The following IAH1 variants were observed in gnomAD, a reference collection of about 807,000 sequenced individuals.
IAH1 encodes isoamyl acetate-hydrolyzing esterase 1 homolog.
In IAH1, 24 loss-of-function variants were observed where a neutral mutation model predicts 26.7. The observed-to-expected ratio is 0.90, with a 90% CI of 0.65 to 1.26. The LOEUF is 1.26. IAH1 is among the 50% of genes most tolerant of loss of function. The pLI is 0.00. For synonymous variants in IAH1, 140 were observed against 118.5 expected (o/e 1.18, Z -1.18); for missense variants, 300 against 299.9 (o/e 1.00, Z 0.00).
chr2:9,507,989 G>A, the IAH1 span, among the ~76,000 whole-genome samples: 1 of 152,180 alleles, frequency 6.6e-6, no homozygotes, highest in Non-Finnish European at 1.5e-5. Context: ...TGGGATTACA[G>A]GTGTGAGCCA....
chr2:9,498,799 G>A (rs780278643), downstream of IAH1, among the ~76,000 whole-genome samples: 21 of 152,202 alleles, frequency 1.4e-4, no homozygotes, highest in Non-Finnish European at 3.1e-4. Flanking sequence ...ATATGATACT[G>A]CCCTGATACA....
the IAH1 span, among the ~76,000 whole-genome samples, chr2:9,506,125 G>A: frequency 3.3e-5 from 5 of 152,038 alleles, no homozygotes; most frequent in East Asian, 5.8e-4. Flanking sequence ...AGGGAAAACT[G>A]AGCATAGTTA....
At chr2:9,498,931 T>C (rs1662813478), downstream of IAH1, among the ~76,000 whole-genome samples, 1 of 152,110 alleles carries the variant, frequency 6.6e-6, no homozygotes, top group Non-Finnish European at 1.5e-5. Flanking sequence ...GTCCCCAAAG[T>C]TTAGCATGCA....
At chr2:9,481,195 T>C in intron 3 of IAH1, 91 bp from the exon 4 acceptor site, 2 of 1,372,106 alleles carry the variant, frequency 1.5e-6, no homozygotes, top group Non-Finnish European at 1.0e-6. Context: ...AGTGACATCA[T>C]GAATAACAGG....
chr2:9,495,061 A>G (rs1201409757), intron 6 of IAH1, among the ~76,000 whole-genome samples: 2 of 152,066 alleles, frequency 1.3e-5, no homozygotes, highest in African/African-American at 2.4e-5. Flanking sequence ...GCCCCTCACA[A>G]TGCTCTTCTA....
chr2:9,501,664 C>T, the IAH1 span, among the ~76,000 whole-genome samples: 2 of 152,198 alleles, frequency 1.3e-5, no homozygotes, highest in Non-Finnish European at 2.9e-5. Flanking sequence ...TTCCTCCACA[C>T]TATTCCAGTG....
chr2:9,497,372 C>T, downstream of IAH1: 1 of 1,256,468 alleles, frequency 8.0e-7, no homozygotes, highest in African/African-American at 1.5e-5. Context: ...AAGTGACCTA[C>T]AGAGCTAGGA....
At chr2:9,483,651 G>A (rs745537391) in intron 4 of IAH1, among the ~76,000 whole-genome samples, 9 of 151,994 alleles carry the variant, frequency 5.9e-5, no homozygotes, top group Non-Finnish European at 1.2e-4. Context: ...GCAGCCTCCT[G>A]AGCCTTCTCC....
the IAH1 span, chr2:9,505,341 A>G: frequency 1.2e-6 from 2 of 1,614,034 alleles, no homozygotes; most frequent in Non-Finnish European, 8.5e-7. Context: ...TTATAGATTG[A>G]TTGTTTACTG....
chr2:9,475,008 G>C, intron 1 of IAH1: 1 of 1,101,730 alleles, frequency 9.1e-7, no homozygotes, highest in Non-Finnish European at 1.1e-6. Flanking sequence ...AGCGGCCGCG[G>C]GCGACCGCGC....
chr2:9,492,097 A>G (rs1048621890), downstream of IAH1, among the ~76,000 whole-genome samples: 4 of 152,184 alleles, frequency 2.6e-5, no homozygotes, highest in African/African-American at 4.8e-5. Context: ...GCCAGCAGGA[A>G]AGGAAAGGAA....
intron 2 of IAH1, 124 bp downstream of exon 2, chr2:9,476,163 A>T: frequency 1.3e-6 from 1 of 758,976 alleles, no homozygotes; most frequent in Non-Finnish European, 2.2e-6. Context: ...GCCTCCCCTA[A>T]TCAGTATATA....
downstream of IAH1, chr2:9,491,211 T>C (rs10495562): frequency 0.47 from 692,308 of 1,479,208 alleles, 171,241 homozygotes; most frequent in Middle Eastern, 0.61. Flanking sequence ...GTGAGTACTA[T>C]TTCATCACAG....
chr2:9,488,040 A>C (rs1367143885), intron 5 of IAH1, 107 bp from the exon 6 acceptor site: 1 of 765,856 alleles, frequency 1.3e-6, no homozygotes, highest in African/African-American at 1.8e-5. Context: ...ACAGGGTCTC[A>C]AACTCCTGTC....
chr2:9,488,105 G>A (rs577529931), intron 5 of IAH1, 42 bp from the exon 6 acceptor site: 52 of 1,396,846 alleles, frequency 3.7e-5, no homozygotes, highest in Non-Finnish European at 4.6e-5. Context: ...GCTACCACAC[G>A]TGGCCAGTTA....
intron 3 of IAH1, among the ~76,000 whole-genome samples, chr2:9,479,954 G>A (rs1354354474): frequency 2.6e-5 from 4 of 151,486 alleles, no homozygotes; most frequent in East Asian, 1.9e-4. Flanking sequence ...GATTATAGGC[G>A]CTCGCCACCA....
the IAH1 span, among the ~76,000 whole-genome samples, chr2:9,507,247 TGA>T: frequency 4.6e-5 from 7 of 152,198 alleles, no homozygotes; most frequent in African/African-American, 1.7e-4. Context: ...CCCAGCACTT[TGA>T]GAGGTCGAGG....
intron 3 of IAH1, among the ~76,000 whole-genome samples, chr2:9,479,795 C>CTTTTTTTTTTTTTTTTTTTTT (rs5829216): frequency 4.3e-5 from 3 of 69,870 alleles, no homozygotes; most frequent in African/African-American, 5.3e-5. Flanking sequence ...CTGTGTATTG[C>CTTTTTTTTTTTTTTTTTTTTT]TTTTTTTTTT....
downstream of IAH1, among the ~76,000 whole-genome samples, chr2:9,490,693 A>G (rs1440195924): frequency 6.6e-6 from 1 of 152,214 alleles, no homozygotes; most frequent in Admixed American, 6.5e-5. Context: ...AGGTTGGTGC[A>G]AAAGTAATTA....
Sources: allele counts gnomAD v4.1 joint callset (sites outside exome capture counted in the v4.1 genomes callset), GRCh38; gene constraint gnomAD v4.1.1; transcripts MANE v1.5; gene names NCBI Gene and HGNC (gene_info 2026-07-23, HGNC 2026-07-21).